The following GAB2 variants were observed in gnomAD, a reference collection of about 807,000 sequenced individuals.
The protein encoded by GAB2 is GRB2-associated-binding protein 2.
A neutral mutation model predicts 65.5 loss-of-function variants in GAB2; 26 were observed. That is an observed-to-expected ratio of 0.40 (90% CI 0.29 to 0.55). GAB2 has a LOEUF of 0.55. Ranked by LOEUF, GAB2 falls within the 20% of genes least tolerant of loss-of-function variation. The probability of loss-of-function intolerance (pLI) is 0.53; values close to 1 mark genes in which losing one functional copy is unlikely to be tolerated. For missense variants in GAB2, 884 were observed against 875.8 expected (o/e 1.01, Z -0.12); for synonymous variants, 321 against 329.6 (o/e 0.97, Z 0.28).
At chr11:78,231,901 C>A (rs554919458) in intron 3 of GAB2, 1 of 152,310 alleles carries the variant, frequency 6.6e-6, no homozygotes, top group South Asian at 2.1e-4. Flanking sequence ...CTGTAACTGT[C>A]ACTGGCCATG....
At chr11:78,281,009 A>G in intron 1 of GAB2, 108 bp from the exon 2 acceptor site, 1 of 852,962 alleles carries the variant, frequency 1.2e-6, no homozygotes, top group East Asian at 2.5e-5. Context: ...GCTGGAGTGC[A>G]GTGGCACAAT....
chr11:78,317,883 A>T (rs1855643351), intron 1 of GAB2, among the ~76,000 whole-genome samples: 1 of 152,152 alleles, frequency 6.6e-6, no homozygotes, highest in Non-Finnish European at 1.5e-5. Flanking sequence ...AGAAGATTAA[A>T]CTACATTACA....
At chr11:78,399,124 G>A (rs899242833) in intron 1 of GAB2, among the ~76,000 whole-genome samples, 8 of 152,166 alleles carry the variant, frequency 5.3e-5, no homozygotes, top group African/African-American at 1.9e-4. Flanking sequence ...ATAAAAATGG[G>A]TTAGAGGGGT....
At chr11:78,367,086 A>G (rs545034561) in intron 1 of GAB2, among the ~76,000 whole-genome samples, 1 of 152,286 alleles carries the variant, frequency 6.6e-6, no homozygotes, top group Admixed American at 6.5e-5. Flanking sequence ...TGAGCCATAC[A>G]GTATCTCAGG....
At chr11:78,256,453 G>A (rs1217981270) in intron 2 of GAB2, among the ~76,000 whole-genome samples, 1 of 152,164 alleles carries the variant, frequency 6.6e-6, no homozygotes, top group African/African-American at 2.4e-5. Context: ...AAATCTGCAG[G>A]GATGTGAAAA....
At chr11:78,411,171 T>A (rs1236897964) in intron 1 of GAB2, among the ~76,000 whole-genome samples, 1 of 139,072 alleles carries the variant, frequency 7.2e-6, no homozygotes, top group African/African-American at 2.7e-5. Flanking sequence ...GGGGGGGGGA[T>A]GGTGGAAGGA....
At chr11:78,323,458 C>T (rs1260471459) in intron 1 of GAB2, among the ~76,000 whole-genome samples, 2 of 151,882 alleles carry the variant, frequency 1.3e-5, no homozygotes, top group African/African-American at 2.4e-5. Context: ...TGTAGTCAGC[C>T]GAGATCATGC....
chr11:78,319,941 T>C (rs1855690817), intron 1 of GAB2, among the ~76,000 whole-genome samples: 1 of 151,316 alleles, frequency 6.6e-6, no homozygotes, highest in Admixed American at 6.6e-5. Flanking sequence ...ACCGGTGTGA[T>C]CTCGGCTCAC....
At chr11:78,359,265 G>A (rs1856401769) in intron 1 of GAB2, among the ~76,000 whole-genome samples, 1 of 152,044 alleles carries the variant, frequency 6.6e-6, no homozygotes. Flanking sequence ...CAAATGTCAA[G>A]CAGGATAAAT....
chr11:78,371,214 A>G (rs1856567782), intron 1 of GAB2, among the ~76,000 whole-genome samples: 2 of 152,188 alleles, frequency 1.3e-5, no homozygotes, highest in South Asian at 4.1e-4. Flanking sequence ...TAGAACTTTA[A>G]CTATCATGTA....
chr11:78,289,933 GAA>G (rs1866609594), intron 1 of GAB2, among the ~76,000 whole-genome samples: 1 of 150,278 alleles, frequency 6.7e-6, no homozygotes, highest in Admixed American at 6.7e-5. Context: ...TCTCAATATG[GAA>G]AAGAGGGAGG....
chr11:78,230,265 C>T (rs1045061174), intron 3 of GAB2, among the ~76,000 whole-genome samples: 2 of 152,248 alleles, frequency 1.3e-5, no homozygotes, highest in Admixed American at 6.5e-5. Flanking sequence ...TACGTTCCAA[C>T]TTCCCTCTAC....
chr11:78,293,831 G>T (rs988129061), intron 1 of GAB2, among the ~76,000 whole-genome samples: 1 of 152,198 alleles, frequency 6.6e-6, no homozygotes, highest in Non-Finnish European at 1.5e-5. Flanking sequence ...GAGAGCAAGA[G>T]AAAAAGAGTA....
intron 2 of GAB2, among the ~76,000 whole-genome samples, chr11:78,272,184 G>A (rs934452491): frequency 6.6e-6 from 1 of 152,212 alleles, no homozygotes; most frequent in Non-Finnish European, 1.5e-5. Context: ...ATTGGTAGCA[G>A]TAGAGTGGGG....
At chr11:78,289,698 T>G (rs966075257) in intron 1 of GAB2, among the ~76,000 whole-genome samples, 3 of 151,586 alleles carry the variant, frequency 2.0e-5, no homozygotes, top group African/African-American at 7.3e-5. Context: ...CTTTCAGGGT[T>G]AAGAGAGAGA....
At chr11:78,221,558 T>C (rs1175209215) in intron 8 of GAB2, 119 bp downstream of exon 8, 2 of 546,800 alleles carry the variant, frequency 3.7e-6, no homozygotes, top group Non-Finnish European at 6.7e-6. Context: ...GACTAAATCA[T>C]GAATAATACA....
chr11:78,317,862 G>GA (rs1855642706), intron 1 of GAB2, among the ~76,000 whole-genome samples: 1 of 151,466 alleles, frequency 6.6e-6, no homozygotes, highest in South Asian at 2.1e-4. Context: ...TAAAAAACAA[G>GA]AAAAAGAAGA....
At chr11:78,347,508 T>A (rs1856210441) in intron 1 of GAB2, among the ~76,000 whole-genome samples, 1 of 152,174 alleles carries the variant, frequency 6.6e-6, no homozygotes, top group Non-Finnish European at 1.5e-5. Context: ...TTCTTCATCA[T>A]TAAAATAAGG....
chr11:78,369,320 A>G (rs1204112674), intron 1 of GAB2, among the ~76,000 whole-genome samples: 1 of 152,204 alleles, frequency 6.6e-6, no homozygotes, highest in East Asian at 1.9e-4. Context: ...CAGTGTATAT[A>G]AACTTAATGA....
Sources: allele counts gnomAD v4.1 joint callset (sites outside exome capture counted in the v4.1 genomes callset), GRCh38; gene constraint gnomAD v4.1.1; transcripts MANE v1.5; gene names NCBI Gene and HGNC (gene_info 2026-07-23, HGNC 2026-07-21).